VPS41: variants seen among roughly 807,000 people sequenced by gnomAD.
The protein encoded by VPS41 is VPS41 subunit of HOPS complex.
VPS41 carries 85 observed loss-of-function variants against 130.9 expected under a neutral mutation model. The ratio of observed to expected loss-of-function variants is 0.65; its 90% CI spans 0.55 to 0.78. VPS41 has a LOEUF of 0.78. Among genes scored for constraint, VPS41 ranks in the 30% least tolerant of loss-of-function variants. The pLI is 0.00. For synonymous variants in VPS41, 335 were observed against 332.9 expected, an observed-to-expected ratio of 1.01 and a Z score of -0.07; for missense variants, 874 against 1,018.7, an observed-to-expected ratio of 0.86 and a Z score of 1.93.
At chr7:38,752,358 A>G (rs1305219409) in intron 21 of VPS41, 45 bp from the exon 22 acceptor site, 5 of 1,610,298 alleles carry the variant, frequency 3.1e-6, no homozygotes, top group Non-Finnish European at 4.2e-6. Flanking sequence ...AAATGAGAAA[A>G]GCAATACCTG....
At position 38,776,732 on chromosome 7, in the gene VPS41, G is replaced by T. The variant is rs961842074; in HGVS notation, c.829C>A (p.Leu277Ile). Reference protein sequence around the residue: ...TEFYISGLAPLCDQLVVLSYV... With the variant: ...TEFYISGLAPICDQLVVLSYV... ...GAAAGTACAACAAGCTGATCACAGA[G>T]AGGTGCAAGTCCACTGATGTAGAAT... Residue 277 changes from leucine (L) to isoleucine (I), a missense_variant, in exon 11 of 29, where the codon CTC becomes ATC. Transcript: ENST00000310301. 6.2e-7 allele frequency: 1 copy of T among 1,612,486 alleles called. No homozygotes were observed. Among genetic ancestry groups the T allele is most frequent in the Non-Finnish European group, 8.5e-7 (1 of 1,178,778 alleles).
At chr7:38,869,926 T>A (rs936790079) in intron 2 of VPS41, among the ~76,000 whole-genome samples, 1 of 152,156 alleles carries the variant, frequency 6.6e-6, no homozygotes, top group Non-Finnish European at 1.5e-5. Flanking sequence ...AAAGTCTTGA[T>A]GGAATATATA....
intron 4 of VPS41, among the ~76,000 whole-genome samples, chr7:38,839,378 T>A (rs1785560252): frequency 6.6e-6 from 1 of 152,278 alleles, no homozygotes; most frequent in African/African-American, 2.4e-5. Context: ...CAAAAACAAG[T>A]ACAAATACTT....
chr7:38,796,667 C>T, intron 8 of VPS41, 78 bp downstream of exon 8: 4 of 1,603,332 alleles, frequency 2.5e-6, no homozygotes, highest in Non-Finnish European at 3.4e-6. Context: ...GCATCTTTTC[C>T]CTTCATTACA....
At chr7:38,880,332 C>A (rs1786578054) in intron 2 of VPS41, among the ~76,000 whole-genome samples, 1 of 152,176 alleles carries the variant, frequency 6.6e-6, no homozygotes, top group African/African-American at 2.4e-5. Flanking sequence ...GATGAAGATA[C>A]ATTACTTTTT....
At chr7:38,867,523 C>G (rs1786254987) in intron 3 of VPS41, among the ~76,000 whole-genome samples, 1 of 146,450 alleles carries the variant, frequency 6.8e-6, no homozygotes, top group African/African-American at 2.5e-5. Context: ...CCAGCCTGGG[C>G]AACAAGAGTG....
chr7:38,768,096 C>T (rs1228764346), intron 14 of VPS41, among the ~76,000 whole-genome samples: 4 of 152,072 alleles, frequency 2.6e-5, no homozygotes, highest in African/African-American at 9.7e-5. Flanking sequence ...CTCAGAAAAA[C>T]CTGTGATTCA....
intron 2 of VPS41, among the ~76,000 whole-genome samples, chr7:38,897,641 T>C (rs1159203264): frequency 9.7e-4 from 53 of 54,542 alleles, no homozygotes; most frequent in African/African-American, 4.8e-3. Flanking sequence ...CGAGACTCCG[T>C]CTCAAAAAAA....
chr7:38,854,825 A>G (rs762937928), intron 4 of VPS41, among the ~76,000 whole-genome samples: 2 of 145,484 alleles, frequency 1.4e-5, no homozygotes, highest in African/African-American at 2.6e-5. Flanking sequence ...AATTGTGACA[A>G]AAGTACCGTA....
intron 25 of VPS41, among the ~76,000 whole-genome samples, chr7:38,736,799 G>C (rs930956730): frequency 6.6e-6 from 1 of 152,200 alleles, no homozygotes; most frequent in African/African-American, 2.4e-5. Context: ...GCACCAAAAA[G>C]TTTTGGCACA....
intron 10 of VPS41, among the ~76,000 whole-genome samples, chr7:38,778,486 G>C (rs763565841): frequency 2.0e-5 from 3 of 152,222 alleles, no homozygotes; most frequent in Admixed American, 6.5e-5. Context: ...AGGACCCAGT[G>C]ATGAAAGAGA....
chr7:38,811,266 A>T (rs1430354436), intron 7 of VPS41, among the ~76,000 whole-genome samples: 1 of 152,132 alleles, frequency 6.6e-6, no homozygotes, highest in African/African-American at 2.4e-5. Context: ...ACCACACAAC[A>T]TGTAGAAAAA....
intron 11 of VPS41, 133 bp from the exon 12 acceptor site, chr7:38,774,377 T>C (rs1562581769): frequency 1.3e-6 from 1 of 790,628 alleles, no homozygotes; most frequent in Non-Finnish European, 1.7e-6. Context: ...GGGTAATTTA[T>C]AAAGGAAAGA....
At chr7:38,897,086 C>CG (rs1419224079) in intron 2 of VPS41, among the ~76,000 whole-genome samples, 1 of 148,576 alleles carries the variant, frequency 6.7e-6, no homozygotes, top group East Asian at 2.0e-4. Context: ...CCCAGCTACT[C>CG]GGGAGGCTGA....
At chr7:38,829,280 A>G (rs1158092698) in intron 5 of VPS41, among the ~76,000 whole-genome samples, 1 of 152,206 alleles carries the variant, frequency 6.6e-6, no homozygotes, top group African/African-American at 2.4e-5. Flanking sequence ...GCATTCTTGT[A>G]TGTCAAGAGA....
chr7:38,862,484 C>A, intron 4 of VPS41, 61 bp downstream of exon 4: 1 of 1,098,136 alleles, frequency 9.1e-7, no homozygotes, highest in South Asian at 1.5e-5. Context: ...AACCAATATT[C>A]TAAAACACAA....
chr7:38,792,471 CTG>C (rs1784552893), intron 9 of VPS41, among the ~76,000 whole-genome samples: 1 of 152,190 alleles, frequency 6.6e-6, no homozygotes, highest in Non-Finnish European at 1.5e-5. Flanking sequence ...TGTTAGGTGA[CTG>C]TGATCTTACA....
chr7:38,799,727 G>A (rs917667174), intron 7 of VPS41, among the ~76,000 whole-genome samples: 30 of 152,206 alleles, frequency 2.0e-4, no homozygotes, highest in African/African-American at 7.2e-4. Context: ...TAAAAAATGA[G>A]AGAATAACAG....
At chr7:38,862,921 TAAATGCAGC>T (rs1786151196) in intron 3 of VPS41, among the ~76,000 whole-genome samples, 1 of 152,138 alleles carries the variant, frequency 6.6e-6, no homozygotes. Flanking sequence ...GGCAGTAAAT[TAAATGCAGC>T]GGTGAAAACA....
Sources: allele counts gnomAD v4.1 joint callset (sites outside exome capture counted in the v4.1 genomes callset), GRCh38; gene constraint gnomAD v4.1.1; transcripts MANE v1.5; gene names NCBI Gene and HGNC (gene_info 2026-07-23, HGNC 2026-07-21).